Variants in STIM1 observed in about 807,000 individuals in gnomAD.
STIM1 encodes the protein stromal interaction molecule 1.
In STIM1, 25 loss-of-function variants were observed where a neutral mutation model predicts 74.7. The ratio of observed to expected loss-of-function variants is 0.33; its 90% CI spans 0.24 to 0.47. The LOEUF (loss-of-function observed/expected upper bound fraction) is 0.47, where lower values mean the gene tolerates loss of function less well. Among genes scored for constraint, STIM1 ranks in the 20% least tolerant of loss-of-function variants. The pLI, the probability that STIM1 is intolerant of heterozygous loss-of-function variation, is 1.00. For missense variants in STIM1, 728 were observed against 920.8 expected (o/e 0.79, Z 2.71); for synonymous variants, 328 against 348.8 (o/e 0.94, Z 0.66).
chr11:3,924,958 G>A (rs1400481364), intron 1 of STIM1, among the ~76,000 whole-genome samples: 1 of 151,916 alleles, frequency 6.6e-6, no homozygotes. Flanking sequence ...CCCTTAACTG[G>A]CACATGAAAG....
chr11:3,882,590 C>T (rs1175247936), intron 1 of STIM1, among the ~76,000 whole-genome samples: 2 of 152,140 alleles, frequency 1.3e-5, no homozygotes, highest in Non-Finnish European at 2.9e-5. Flanking sequence ...TACCCCGGAA[C>T]TTAAAATAAA....
chr11:4,043,427 C>T (rs1444989455), intron 3 of STIM1, among the ~76,000 whole-genome samples: 2 of 152,056 alleles, frequency 1.3e-5, no homozygotes. Flanking sequence ...CCCCCTTTAC[C>T]TCCGTAAGTA....
At chr11:3,963,202 C>T (rs775215336) in intron 1 of STIM1, among the ~76,000 whole-genome samples, 3 of 152,112 alleles carry the variant, frequency 2.0e-5, no homozygotes, top group Non-Finnish European at 4.4e-5. Flanking sequence ...AATCCTAGTA[C>T]CCATTAGTTA....
In STIM1 at chr11:4,091,866, T is replaced by G; in HGVS notation, c.*68T>G. ...GGTGTTCTGTCTCTCCTTCCCTCCC[T>G]TCCTTCAAGATAACTGGCCCCAAGA... On this transcript the variant is annotated 3_prime_UTR_variant, in exon 13 of 13. Coordinates refer to ENST00000526596, the MANE Select transcript of STIM1 (RefSeq NM_001382567.1). The G allele has an allele frequency of 6.3e-7, 1 of 1,588,402 alleles. No homozygotes were observed. The highest frequency in any genetic ancestry group is 8.5e-7 in the Non-Finnish European group (1 of 1,173,708).
intron 7 of STIM1, among the ~76,000 whole-genome samples, chr11:4,078,870 G>A (rs1323467078): frequency 2.0e-5 from 3 of 151,722 alleles, no homozygotes; most frequent in African/African-American, 7.3e-5. Flanking sequence ...CACACTTAGC[G>A]AGGACCCTTT....
chr11:4,031,789 A>G (rs1364874782), intron 3 of STIM1, among the ~76,000 whole-genome samples: 1 of 152,190 alleles, frequency 6.6e-6, no homozygotes, highest in Non-Finnish European at 1.5e-5. Flanking sequence ...TCAAATATAT[A>G]CTTTGCTAAG....
At chr11:4,015,954 T>G (rs2093892424) in intron 2 of STIM1, among the ~76,000 whole-genome samples, 1 of 152,214 alleles carries the variant, frequency 6.6e-6, no homozygotes, top group Non-Finnish European at 1.5e-5. Context: ...TAACCTTTTT[T>G]CAAGGATTTT....
chr11:3,892,613 T>C (rs1477966838), intron 1 of STIM1: 6 of 1,603,082 alleles, frequency 3.7e-6, no homozygotes, highest in Non-Finnish European at 5.1e-6. Context: ...AGGACCTGTA[T>C]GCTTTAGGAT....
intron 12 of STIM1, among the ~76,000 whole-genome samples, chr11:4,090,050 CTG>C (rs2133257066): frequency 6.6e-6 from 1 of 152,224 alleles, no homozygotes; most frequent in Admixed American, 6.5e-5. Context: ...CTAGACTAGC[CTG>C]TGTGTGTGCA....
At chr11:3,901,120 G>C (rs1417801727) in intron 1 of STIM1, among the ~76,000 whole-genome samples, 1 of 152,148 alleles carries the variant, frequency 6.6e-6, no homozygotes, top group Non-Finnish European at 1.5e-5. Context: ...GAACCCAGGA[G>C]GCGGAGGCTG....
chr11:4,070,259 A>G (rs1191811077), intron 6 of STIM1, 56 bp downstream of exon 6: 45 of 1,605,310 alleles, frequency 2.8e-5, no homozygotes, highest in Non-Finnish European at 3.8e-5. Context: ...GGAACCTCCT[A>G]TTTCCACCTG....
intron 4 of STIM1, among the ~76,000 whole-genome samples, chr11:4,056,196 G>A (rs2094288878): frequency 6.6e-6 from 1 of 152,212 alleles, no homozygotes; most frequent in East Asian, 1.9e-4. Flanking sequence ...AATAAAAATG[G>A]TACAGAGGAG....
chr11:4,057,865 G>A (rs1359183312), intron 4 of STIM1, among the ~76,000 whole-genome samples: 7 of 143,188 alleles, frequency 4.9e-5, no homozygotes, highest in African/African-American at 1.0e-4. Context: ...GCGAGACTCC[G>A]TCTCAAAAAA....
Position 3,937,319 on chromosome 11 carries a change from A to AT in STIM1, c.140-30233_140-30232insT, listed in dbSNP as rs55981710. 2.0e-5 allele frequency among the ~76,000 whole-genome samples: 3 copies of AT among 149,032 alleles called. No homozygotes were observed. In the South Asian group the frequency reaches 6.4e-4, roughly 32 times the overall value. The stretch of plus-strand genomic sequence containing the variant: ...AATAATAATAATAATAATAATAATA[A>AT]AATATCTGGAATGAGTGTGAAATTA... On this transcript the variant is annotated intron_variant, in intron 1 of 12. Transcript: ENST00000526596.
chr11:3,897,963 C>T (rs957590581), intron 1 of STIM1, among the ~76,000 whole-genome samples: 5 of 152,086 alleles, frequency 3.3e-5, no homozygotes, highest in African/African-American at 1.2e-4. Flanking sequence ...TGAATAATGC[C>T]GCAATAAACA....
rs1377536427 is a variant in STIM1, at chr11:3,856,265, A to G, written c.-6A>G. 4 of 1,613,956 alleles carry G rather than the reference A, an allele frequency of 2.5e-6. No homozygotes were observed. Among genetic ancestry groups the G allele is most frequent in the African/African-American group, 1.3e-5 (1 of 74,936 alleles). ...ATCAGACGCATGTTGACTGAGACCTAGAGTCATGGATGTATGCGTCCGTCT... is the reference window on the plus strand; with the variant it reads ...ATCAGACGCATGTTGACTGAGACCTGGAGTCATGGATGTATGCGTCCGTCT... On this transcript the variant is annotated 5_prime_UTR_variant, in exon 1 of 13. The change abolishes the stop of an existing upstream ORF in the 5' untranslated region. Transcript: ENST00000526596.
chr11:3,952,081 C>T (rs2093156128), intron 1 of STIM1, among the ~76,000 whole-genome samples: 1 of 152,086 alleles, frequency 6.6e-6, no homozygotes, highest in Admixed American at 6.6e-5. Flanking sequence ...CAGGGGAATA[C>T]CAGAAGAATC....
At chr11:4,017,149 T>C (rs372859549) in intron 2 of STIM1, among the ~76,000 whole-genome samples, 2 of 152,250 alleles carry the variant, frequency 1.3e-5, no homozygotes, top group African/African-American at 4.8e-5. Flanking sequence ...ACCCGTCTTC[T>C]GCATTGATCT....
intron 1 of STIM1, among the ~76,000 whole-genome samples, chr11:3,905,345 G>T (rs1177311054): frequency 1.3e-5 from 2 of 151,898 alleles, no homozygotes; most frequent in African/African-American, 2.4e-5. Flanking sequence ...TTTTGAAGAG[G>T]CAGCAGAGGA....
Sources: allele counts gnomAD v4.1 joint callset (sites outside exome capture counted in the v4.1 genomes callset), GRCh38; gene constraint gnomAD v4.1.1; transcripts MANE v1.5; gene names NCBI Gene and HGNC (gene_info 2026-07-23, HGNC 2026-07-21).